The following MCM3 variants were observed in gnomAD, a reference collection of about 807,000 sequenced individuals.
MCM3 encodes minichromosome maintenance complex component 3, also known as DNA replication licensing factor MCM3.
MCM3 carries 59 observed loss-of-function variants against 91.3 expected under a neutral mutation model. That is an observed-to-expected ratio of 0.65 (90% CI 0.52 to 0.80). MCM3 has a LOEUF of 0.80. MCM3 is among the 30% of genes least tolerant of loss of function. The probability of loss-of-function intolerance (pLI) is 0.00; values close to 1 mark genes in which losing one functional copy is unlikely to be tolerated. For missense variants in MCM3, 919 were observed against 1,035.4 expected, an observed-to-expected ratio of 0.89 and a Z score of 1.54; for synonymous variants, 383 against 379.6, an observed-to-expected ratio of 1.01 and a Z score of -0.10.
intron 4 of MCM3, 23 bp downstream of exon 4, chr6:52,282,022 C>G (rs774549716): frequency 8.7e-6 from 14 of 1,612,508 alleles, no homozygotes; most frequent in Non-Finnish European, 1.1e-5. Context: ...TCCAAGACAG[C>G]TCAACTGATT....
Position 52,266,067 on chromosome 6 carries a change from G to T in MCM3, c.2228+8C>A. On this transcript the variant is annotated splice_region_variant and intron_variant, in intron 16 of 16. Coordinates refer to ENST00000596288, the MANE Select transcript of MCM3 (RefSeq NM_002388.6). ...TCTTGAAGGGGCAGGAGCAACATCC[G>T]TACTCACCTGGATTCACTCAACTCC... The T allele has an allele frequency of 6.2e-7, 1 of 1,612,946 alleles. No individual in the cohort carries two copies.
At position 52,281,497 on chromosome 6, in the gene MCM3, G is replaced by A. The variant is rs949086988; in HGVS notation, c.531+548C>T. Reference sequence around the variant, plus strand: ...TCCAGTCCAGCCTGGGCAACATAGCGAGACCCTGTCTCTAGAAAAAAGTGA... The same window carrying A: ...TCCAGTCCAGCCTGGGCAACATAGCAAGACCCTGTCTCTAGAAAAAAGTGA... On this transcript the variant is annotated intron_variant, in intron 4 of 16. Coordinates refer to ENST00000596288, the MANE Select transcript of MCM3 (RefSeq NM_002388.6). Among the ~76,000 whole-genome samples, 6 of 151,942 alleles carry A rather than the reference G, an allele frequency of 3.9e-5. No homozygotes were observed. The East Asian group carries it at 5.8e-4, about 15-fold the overall frequency.
intron 6 of MCM3, among the ~76,000 whole-genome samples, 178 bp downstream of exon 6, chr6:52,278,564 A>G (rs1413008979): frequency 6.6e-6 from 1 of 152,238 alleles, no homozygotes; most frequent in Non-Finnish European, 1.5e-5. Flanking sequence ...TAATAACAAC[A>G]GAATTACTAA....
intron 9 of MCM3, chr6:52,275,938 G>A (rs952411665): frequency 4.8e-5 from 9 of 188,424 alleles, no homozygotes; most frequent in Non-Finnish European, 8.6e-5. Context: ...AAGTCTTTTC[G>A]TTTTCATACT....
intron 12 of MCM3, among the ~76,000 whole-genome samples, chr6:52,271,170 C>T (rs1562379676): frequency 6.6e-6 from 1 of 151,580 alleles, no homozygotes; most frequent in Non-Finnish European, 1.5e-5. Flanking sequence ...ACAGCAAGAC[C>T]GCATCTCAAA....
At chr6:52,273,414 T>C in intron 10 of MCM3, 58 bp from the exon 11 acceptor site, 2 of 1,581,212 alleles carry the variant, frequency 1.3e-6, no homozygotes, top group South Asian at 1.1e-5. Flanking sequence ...CAGGGGAAAT[T>C]GCTTCTTCTA....
chr6:52,274,068 A>G (rs747440586), intron 9 of MCM3, 152 bp from the exon 10 acceptor site: 1 of 603,748 alleles, frequency 1.7e-6, no homozygotes, highest in African/African-American at 1.9e-5. Flanking sequence ...TTTTAAAGCC[A>G]TTAAACAATG....
chr6:52,281,058 G>T (rs1298808813), intron 4 of MCM3, among the ~76,000 whole-genome samples: 2 of 152,156 alleles, frequency 1.3e-5, no homozygotes, highest in Non-Finnish European at 2.9e-5. Context: ...AATTTGATGA[G>T]GGGAGGAGAG....
chr6:52,275,410 G>C (rs940057022), intron 9 of MCM3, among the ~76,000 whole-genome samples: 2 of 152,144 alleles, frequency 1.3e-5, no homozygotes, highest in Non-Finnish European at 2.9e-5. Context: ...CACATTGTGA[G>C]GTAGTTACTG....
At chr6:52,273,424 A>C in intron 10 of MCM3, 68 bp from the exon 11 acceptor site, 1 of 1,533,142 alleles carries the variant, frequency 6.5e-7, no homozygotes, top group Middle Eastern at 1.7e-4. Flanking sequence ...TGCTTCTTCT[A>C]TAGCACAAGA....
At chr6:52,273,138 C>A in intron 11 of MCM3, 92 bp downstream of exon 11, 1 of 1,475,092 alleles carries the variant, frequency 6.8e-7, no homozygotes, top group Non-Finnish European at 9.4e-7. Flanking sequence ...TTGACCTGGG[C>A]ATATAAGGCC....
intron 13 of MCM3, 83 bp downstream of exon 13, chr6:52,269,003 C>A (rs1232352196): frequency 3.5e-5 from 50 of 1,426,756 alleles, no homozygotes; most frequent in Non-Finnish European, 4.7e-5. Flanking sequence ...CAAATGTAGC[C>A]GTCAGCCACG....
chr6:52,272,642 A>G (rs1028865970), intron 11 of MCM3, among the ~76,000 whole-genome samples, 191 bp from the exon 12 acceptor site: 1 of 152,222 alleles, frequency 6.6e-6, no homozygotes, highest in Non-Finnish European at 1.5e-5. Context: ...ATTATTTGTA[A>G]GTTAGGTAGT....
intron 2 of MCM3, 85 bp from the exon 3 acceptor site, chr6:52,282,946 T>C: frequency 2.1e-6 from 2 of 940,252 alleles, no homozygotes; most frequent in Non-Finnish European, 3.3e-6. Flanking sequence ...TCTTAGATCA[T>C]TAAAAACAAT....
chr6:52,267,257 C>T (rs1405366005), intron 14 of MCM3, among the ~76,000 whole-genome samples: 1 of 151,914 alleles, frequency 6.6e-6, no homozygotes, highest in African/African-American at 2.4e-5. Flanking sequence ...TGCCACCACG[C>T]CAGCCTAATT....
At chr6:52,266,834 G>C in intron 14 of MCM3, 138 bp from the exon 15 acceptor site, 1 of 696,600 alleles carries the variant, frequency 1.4e-6, no homozygotes, top group East Asian at 2.5e-5. Context: ...TTAGGCCTTT[G>C]CAAACTGCTG....
chr6:52,267,096 C>CTTTTTTTTTTTTTTTTTT lies in MCM3; in HGVS notation c.2073-401_2073-400insAAAAAAAAAAAAAAAAAA. Reference sequence around the variant, plus strand: ...CCTTCTCTTTTACCCAGGGTATCTTCTTTTTTTTTTTTTTTTGAGACGGAC... The same window carrying CTTTTTTTTTTTTTTTTTT: ...CCTTCTCTTTTACCCAGGGTATCTTCTTTTTTTTTTTTTTTTTTTTTTTTTTTTTTTTTTGAGACGGAC... On this transcript the variant is annotated intron_variant, in intron 14 of 16. Coordinates refer to ENST00000596288, the MANE Select transcript of MCM3 (RefSeq NM_002388.6). Among the ~76,000 whole-genome samples, 2 of 111,572 alleles carry CTTTTTTTTTTTTTTTTTT rather than the reference C, an allele frequency of 1.8e-5. 1 individual carries two copies. Among genetic ancestry groups the CTTTTTTTTTTTTTTTTTT allele is most frequent in the Non-Finnish European group, 3.6e-5 (2 of 55,178 alleles). The allele number at this position is 111,572 out of a possible 152,430, so 73.2% of individuals were successfully genotyped here. A position where few individuals can be genotyped will look rare whatever the true frequency, so the allele number is the denominator to read the frequency against.
Position 52,284,718 on chromosome 6 carries a change from T to C in MCM3, c.-44A>G. The stretch of plus-strand genomic sequence containing the variant: ...ACCTCCACCAAAGTCGCGTGGAGGT[T>C]CCCAGGATGACTCCACCCCGGCGCG... On this transcript the variant is annotated 5_prime_UTR_variant, in exon 1 of 17. Coordinates refer to ENST00000596288, the MANE Select transcript of MCM3 (RefSeq NM_002388.6). The C allele has an allele frequency of 6.3e-7, 1 of 1,579,240 alleles. No homozygotes were observed. The highest frequency in any genetic ancestry group is 8.6e-7 in the Non-Finnish European group (1 of 1,164,136).
chr6:52,282,141 GAC>G lies in MCM3; in HGVS notation c.433_434del (p.Val145ProfsTer7). On this transcript the variant is annotated frameshift_variant, in exon 4 of 17. Coordinates refer to ENST00000596288, the MANE Select transcript of MCM3 (RefSeq NM_002388.6). LOFTEE classifies it high-confidence loss of function. ...SLVRPKVVRS[V>X]HYCPATKKTI... is the part of the protein sequence containing the mutation. The stretch of plus-strand genomic sequence containing the variant: ...TCTTCTTAGTAGCAGGACAGTAGTG[GAC>G]ACTGCGGACGACTTTGGGACGAACT... The G allele has an allele frequency of 6.2e-7, 1 of 1,614,104 alleles. No homozygotes were observed. The highest frequency in any genetic ancestry group is 1.1e-5 in the South Asian group (1 of 91,074).
Sources: gnomAD v4.1 joint callset for allele counts (sites outside exome capture counted in the v4.1 genomes callset) on GRCh38, gnomAD v4.1.1 for gene constraint, MANE v1.5 for transcripts, NCBI Gene and HGNC (gene_info 2026-07-23, HGNC 2026-07-21) for gene names.